GALNT17: variants seen among roughly 807,000 people sequenced by gnomAD.
GALNT17 encodes the protein polypeptide N-acetylgalactosaminyltransferase 17.
In GALNT17, 29 loss-of-function variants were observed where a neutral mutation model predicts 63.7. The ratio of observed to expected loss-of-function variants is 0.46; its 90% CI spans 0.34 to 0.62. GALNT17 has a LOEUF of 0.62. GALNT17 is among the 20% of genes least tolerant of loss of function. The pLI is 0.01. For synonymous variants in GALNT17, 305 were observed against 318.3 expected (o/e 0.96, Z 0.45); for missense variants, 603 against 799.6 (o/e 0.75, Z 2.97).
chr7:71,238,327 G>A (rs983521259), intron 1 of GALNT17, among the ~76,000 whole-genome samples: 3 of 152,166 alleles, frequency 2.0e-5, no homozygotes, highest in African/African-American at 4.8e-5. Context: ...TCTCCCAGAA[G>A]CCTTTCACAT....
intron 1 of GALNT17, among the ~76,000 whole-genome samples, chr7:71,316,329 T>G (rs1791500077): frequency 6.7e-6 from 1 of 148,930 alleles, no homozygotes; most frequent in Admixed American, 6.8e-5. Context: ...GGGTCTTGGC[T>G]CTGGTCACTC....
At chr7:71,157,572 T>C (rs1454059982) in intron 1 of GALNT17, among the ~76,000 whole-genome samples, 1 of 151,658 alleles carries the variant, frequency 6.6e-6, no homozygotes, top group Non-Finnish European at 1.5e-5. Flanking sequence ...GCAAGAGAAT[T>C]GCTTGAACTG....
chr7:71,254,524 G>T (rs528674933), intron 1 of GALNT17, among the ~76,000 whole-genome samples: 34 of 152,308 alleles, frequency 2.2e-4, no homozygotes, highest in African/African-American at 8.2e-4. Flanking sequence ...CTGCTGCAAA[G>T]AATCTTTTTT....
intron 1 of GALNT17, among the ~76,000 whole-genome samples, chr7:71,184,391 A>G (rs1303357545): frequency 6.6e-6 from 1 of 152,048 alleles, no homozygotes; most frequent in Non-Finnish European, 1.5e-5. Context: ...GCTGGGGCCA[A>G]ATTACACTGG....
intron 8 of GALNT17, 141 bp downstream of exon 8, chr7:71,670,250 T>G: frequency 2.6e-6 from 3 of 1,165,814 alleles, no homozygotes; most frequent in Non-Finnish European, 3.8e-6. Flanking sequence ...CAAGATTCTC[T>G]CTAGCTGGGG....
chr7:71,134,888 G>T (rs1177875391), intron 1 of GALNT17, among the ~76,000 whole-genome samples: 1 of 111,704 alleles, frequency 9.0e-6, no homozygotes, highest in Non-Finnish European at 1.7e-5. Flanking sequence ...TTCTCGCTCT[G>T]TCCCCCTGGC....
chr7:71,488,574 CTTTTT>C (rs965444360), intron 5 of GALNT17, among the ~76,000 whole-genome samples: 3 of 100,650 alleles, frequency 3.0e-5, no homozygotes, highest in Non-Finnish European at 5.9e-5. Context: ...ACTTGCCCTT[CTTTTT>C]TTTTTTTTTT....
At chr7:71,322,835 C>T (rs1014567097) in intron 1 of GALNT17, among the ~76,000 whole-genome samples, 11 of 152,088 alleles carry the variant, frequency 7.2e-5, no homozygotes, top group Admixed American at 4.6e-4. Flanking sequence ...GAAGAGAGCC[C>T]TCACCAAGAA....
intron 5 of GALNT17, among the ~76,000 whole-genome samples, chr7:71,518,409 G>T (rs545598820): frequency 8.5e-5 from 13 of 152,116 alleles, no homozygotes; most frequent in Non-Finnish European, 1.6e-4. Flanking sequence ...AGGAACTCTG[G>T]ATGGCTGATG....
chr7:71,677,285 G>A lies in GALNT17; in HGVS notation c.1479G>A (p.Pro493=), dbSNP rs145007893. 1.6e-5 allele frequency: 26 copies of A among 1,613,756 alleles called. No homozygotes were observed. In the East Asian group the frequency reaches 2.0e-4, roughly 12 times the overall value. Residue 493 remains proline, a synonymous_variant, in exon 9 of 11, where the codon CCG becomes CCA. Transcript: ENST00000333538. ...PLENHTAILY[P]CHGWGPQLAR... The stretch of plus-strand genomic sequence containing the variant: ...AGAACCACACAGCAATATTGTATCC[G>A]TGCCATGGCTGGGGACCACAGGTAG...
intron 1 of GALNT17, among the ~76,000 whole-genome samples, chr7:71,182,472 C>T (rs965710878): frequency 2.6e-5 from 4 of 152,046 alleles, no homozygotes; most frequent in African/African-American, 9.7e-5. Flanking sequence ...TGCTCCAGGC[C>T]GTGTAGGAGT....
chr7:71,650,895 A>G (rs1461660044), intron 6 of GALNT17, among the ~76,000 whole-genome samples: 2 of 152,318 alleles, frequency 1.3e-5, no homozygotes, highest in East Asian at 1.9e-4. Flanking sequence ...TGAGCCTGGC[A>G]GTGACATCCA....
At position 71,665,471 on chromosome 7, in the gene GALNT17, C is replaced by T. The variant is rs758121306; in HGVS notation, c.1141C>T (p.Arg381Trp). ...TTGCTCACGGGTGGCCCACATTGAGCGGAAGAAGAAGCCATATAATAGCAA... is the reference window on the plus strand; with the variant it reads ...TTGCTCACGGGTGGCCCACATTGAGTGGAAGAAGAAGCCATATAATAGCAA... ...LPCSRVAHIE[R>W]KKKPYNSNIG... The change falls in exon 7 of 11, where the codon CGG becomes TGG. Residue 381 changes from arginine to tryptophan, a missense_variant. By Grantham distance (101) the Arg-to-Trp change is moderately radical. Transcript: ENST00000333538. 11 of 1,613,118 alleles carry T rather than the reference C, an allele frequency of 6.8e-6. No individual in the cohort carries two copies. Among genetic ancestry groups the T allele is most frequent in the Admixed American group, 1.7e-5 (1 of 59,934 alleles).
chr7:71,369,800 A>G, intron 2 of GALNT17, among the ~76,000 whole-genome samples: 1 of 113,298 alleles, frequency 8.8e-6, no homozygotes, highest in African/African-American at 3.3e-5. Context: ...TGACATAGTG[A>G]GGCTTTTTGT....
intron 6 of GALNT17, among the ~76,000 whole-genome samples, chr7:71,626,487 C>G (rs561308523): frequency 5.6e-4 from 86 of 152,320 alleles, no homozygotes; most frequent in African/African-American, 2.0e-3. Flanking sequence ...ATTATGTTCT[C>G]TAATCCTGAG....
At chr7:71,221,094 A>G (rs1789574608) in intron 1 of GALNT17, among the ~76,000 whole-genome samples, 2 of 152,100 alleles carry the variant, frequency 1.3e-5, no homozygotes, top group Non-Finnish European at 2.9e-5. Context: ...CTTTCATGGA[A>G]CTTTCCTTTG....
chr7:71,578,135 C>T (rs1789569234), intron 6 of GALNT17, among the ~76,000 whole-genome samples: 1 of 151,800 alleles, frequency 6.6e-6, no homozygotes. Context: ...CTCCTGGGTT[C>T]CAGCGATTCT....
chr7:71,645,714 A>G (rs1790666642), intron 6 of GALNT17, among the ~76,000 whole-genome samples: 1 of 152,198 alleles, frequency 6.6e-6, no homozygotes, highest in East Asian at 1.9e-4. Flanking sequence ...TCTTCAGTGT[A>G]TAAGTACCTC....
chr7:71,492,499 C>G (rs2116677224), intron 5 of GALNT17, among the ~76,000 whole-genome samples: 1 of 152,170 alleles, frequency 6.6e-6, no homozygotes, highest in South Asian at 2.1e-4. Flanking sequence ...TTTTCTTTGG[C>G]TGTCACTCTC....
Sources: gnomAD v4.1 joint callset for allele counts (sites outside exome capture counted in the v4.1 genomes callset) on GRCh38, gnomAD v4.1.1 for gene constraint, MANE v1.5 for transcripts, NCBI Gene and HGNC (gene_info 2026-07-23, HGNC 2026-07-21) for gene names.